Variants in NAV2 observed in about 807,000 individuals in gnomAD.
NAV2 encodes helicase, APC down-regulated 1.
In NAV2, 54 loss-of-function variants were observed where a neutral mutation model predicts 223.2. That is an observed-to-expected ratio of 0.24 (90% CI 0.19 to 0.30). The LOEUF (loss-of-function observed/expected upper bound fraction) is 0.30. NAV2 is among the 10% of genes least tolerant of loss of function. NAV2 has a pLI of 1.00. For missense variants in NAV2, 2,806 were observed against 3,147.5 expected, an observed-to-expected ratio of 0.89 and a Z score of 2.60; for synonymous variants, 1,279 against 1,239.3, an observed-to-expected ratio of 1.03 and a Z score of -0.67.
intron 5 of NAV2, among the ~76,000 whole-genome samples, chr11:19,881,436 G>A (rs974700228): frequency 1.3e-5 from 2 of 151,992 alleles, no homozygotes; most frequent in Non-Finnish European, 2.9e-5. Context: ...AAATGATCAG[G>A]GTGTCATTTC....
intron 6 of NAV2, among the ~76,000 whole-genome samples, chr11:19,903,835 G>C (rs978867154): frequency 6.6e-6 from 1 of 152,124 alleles, no homozygotes; most frequent in Non-Finnish European, 1.5e-5. Context: ...CTTCCAGACA[G>C]GGCCTCCCCA....
chr11:19,629,522 CT>C (rs1290292244), intron 1 of NAV2, among the ~76,000 whole-genome samples: 2 of 146,262 alleles, frequency 1.4e-5, no homozygotes, highest in South Asian at 2.2e-4. Context: ...TTGCCTCTTT[CT>C]TTTTTTCTCT....
At chr11:20,050,454 T>C (rs971967733) in intron 16 of NAV2, among the ~76,000 whole-genome samples, 1 of 152,022 alleles carries the variant, frequency 6.6e-6, no homozygotes, top group Non-Finnish European at 1.5e-5. Context: ...ACTTTACAAA[T>C]GTACACGCTT....
At chr11:19,669,411 A>G (rs2048516104) in intron 1 of NAV2, among the ~76,000 whole-genome samples, 1 of 152,232 alleles carries the variant, frequency 6.6e-6, no homozygotes, top group Non-Finnish European at 1.5e-5. Context: ...GGGTTGGGCA[A>G]GTGACTTACC....
intron 1 of NAV2, among the ~76,000 whole-genome samples, chr11:19,796,759 G>A (rs534625810): frequency 4.1e-4 from 63 of 152,280 alleles, no homozygotes; most frequent in African/African-American, 1.5e-3. Context: ...CACACCCCGA[G>A]CAGAATTCTG....
intron 2 of NAV2, among the ~76,000 whole-genome samples, chr11:19,841,839 A>T (rs1213571261): frequency 2.0e-5 from 3 of 152,224 alleles, no homozygotes; most frequent in Non-Finnish European, 4.4e-5. Flanking sequence ...TCATGATACT[A>T]CCATTTAGAG....
chr11:19,935,864 T>TTTTTTTTTTTTTTTTTG (rs1353477125), intron 7 of NAV2, among the ~76,000 whole-genome samples: 1 of 101,150 alleles, frequency 9.9e-6, no homozygotes, highest in African/African-American at 3.5e-5. Flanking sequence ...TTTTTTTTTT[T>TTTTTTTTTTTTTTTTTG]TTTTTTTTTT....
intron 3 of NAV2, among the ~76,000 whole-genome samples, chr11:19,844,785 A>AT (rs532878757): frequency 8.9e-4 from 130 of 146,258 alleles, no homozygotes; most frequent in South Asian, 2.2e-3. Flanking sequence ...CCAGTGCTAT[A>AT]TTTTTTTGTT....
intron 2 of NAV2, among the ~76,000 whole-genome samples, chr11:19,836,928 C>T (rs1367052683): frequency 6.6e-6 from 1 of 152,140 alleles, no homozygotes; most frequent in African/African-American, 2.4e-5. Flanking sequence ...TCTCTTGGGC[C>T]TGTTTTATAA....
chr11:19,970,539 G>A (rs2049147739), intron 10 of NAV2, among the ~76,000 whole-genome samples: 1 of 152,182 alleles, frequency 6.6e-6, no homozygotes, highest in Non-Finnish European at 1.5e-5. Flanking sequence ...TATCTCGAGA[G>A]TTGAAGGCAC....
At chr11:19,549,026 C>G (rs953712879) in intron 1 of NAV2, among the ~76,000 whole-genome samples, 6 of 152,104 alleles carry the variant, frequency 3.9e-5, no homozygotes, top group Admixed American at 1.3e-4. Flanking sequence ...TGAATGTCTT[C>G]CAGATTATTG....
chr11:19,868,979 C>G lies in NAV2; in HGVS notation c.493C>G (p.Gln165Glu), dbSNP rs1417425311. The part of the protein sequence containing the change: ...NFLAAKGINI[Q>E]GLSAEEIRNG... ...CCTGGCAGCTAAGGGAATAAACATCCAGGGGCTGTCTGCAGAAGGTGAGTC... is the reference window on the plus strand; with the variant it reads ...CCTGGCAGCTAAGGGAATAAACATCGAGGGGCTGTCTGCAGAAGGTGAGTC... Residue 165 changes from glutamine to glutamate, a missense_variant, in exon 4 of 38, where the codon CAG becomes GAG. Coordinates refer to ENST00000349880, the MANE Select transcript of NAV2 (RefSeq NM_145117.5). 6.2e-7 allele frequency: 1 copy of G among 1,613,780 alleles called. No individual in the cohort carries two copies. The highest frequency in any genetic ancestry group is 8.5e-7 in the Non-Finnish European group (1 of 1,179,908).
chr11:19,681,617 G>A (rs959779832), intron 1 of NAV2, among the ~76,000 whole-genome samples: 5 of 152,206 alleles, frequency 3.3e-5, no homozygotes, highest in African/African-American at 1.2e-4. Context: ...TTGCCCCTTG[G>A]GATGAGCCCT....
intron 1 of NAV2, among the ~76,000 whole-genome samples, chr11:19,466,351 C>T (rs900372368): frequency 1.3e-5 from 2 of 152,186 alleles, no homozygotes; most frequent in African/African-American, 4.8e-5. Context: ...GTCCCTGAGA[C>T]GTGGCTGGCA....
Position 19,719,836 on chromosome 11 carries a change from A to G in NAV2, c.267+5874A>G, listed in dbSNP as rs192017378. ...AAACCTTCACAGGTTGGTCCCAGACATGCCATCTTTATAACAGTAACCAAG... is the reference window on the plus strand; with the variant it reads ...AAACCTTCACAGGTTGGTCCCAGACGTGCCATCTTTATAACAGTAACCAAG... On this transcript the variant is annotated intron_variant, in intron 1 of 37. Transcript: ENST00000349880. Among the ~76,000 whole-genome samples, 826 of 152,336 alleles carry G rather than the reference A, an allele frequency of 5.4e-3. 2 individuals carry two copies. The highest frequency in any genetic ancestry group is 0.011 in the Admixed American group (170 of 15,306).
In NAV2 at chr11:19,673,700, A is replaced by G. The variant is rs144710792; in HGVS notation, c.76-158784A>G. Among the ~76,000 whole-genome samples the G allele has an allele frequency of 4.3e-4, 66 of 152,292 alleles. 1 individual carries two copies. Among genetic ancestry groups the G allele is most frequent in the African/African-American group, 1.5e-3 (63 of 41,566 alleles). Reference sequence around the variant, plus strand: ...TGTGCCTTGTCTTCTGGTTTTGTTTAAACACCACAAGCACCAAAGCTTGCA... The same window carrying G: ...TGTGCCTTGTCTTCTGGTTTTGTTTGAACACCACAAGCACCAAAGCTTGCA... On this transcript the variant is annotated intron_variant, in intron 1 of 37. Coordinates refer to the NAV2 transcript ENST00000360655.
Position 19,689,400 on chromosome 11 carries a change from A to G in NAV2, c.76-143084A>G, listed in dbSNP as rs77733409. Among the ~76,000 whole-genome samples, 105 of 152,312 alleles carry G rather than the reference A, an allele frequency of 6.9e-4. 1 individual carries two copies. The East Asian group carries it at 0.018, about 26-fold the overall frequency. The stretch of plus-strand genomic sequence containing the variant: ...ATGGGAGGAAAAGTTGGGGAAGAGG[A>G]CTGCAAGGTAGGGACATGGGAACAG... On this transcript the variant is annotated intron_variant, in intron 1 of 37. Coordinates refer to the NAV2 transcript ENST00000360655.
intron 1 of NAV2, among the ~76,000 whole-genome samples, chr11:19,688,481 C>A (rs1002221869): frequency 6.6e-6 from 1 of 152,160 alleles, no homozygotes; most frequent in Non-Finnish European, 1.5e-5. Context: ...TCTTTCCGGG[C>A]ATCAAGTTTA....
chr11:20,048,607 G>A (rs931555725), intron 14 of NAV2, 121 bp from the exon 15 acceptor site: 2 of 812,238 alleles, frequency 2.5e-6, no homozygotes, highest in Non-Finnish European at 3.9e-6. Context: ...CATTTCAGTA[G>A]GAATGGCTGT....
Sources: allele counts gnomAD v4.1 joint callset (sites outside exome capture counted in the v4.1 genomes callset), GRCh38; gene constraint gnomAD v4.1.1; transcripts MANE v1.5; gene names NCBI Gene and HGNC (gene_info 2026-07-23, HGNC 2026-07-21).